UBA1: variants seen among roughly 807,000 people sequenced by gnomAD.
UBA1 encodes ubiquitin-like modifier-activating enzyme 1.
UBA1 carries 4 observed loss-of-function variants against 84.7 expected under a neutral mutation model. That is an observed-to-expected ratio of 0.05 (90% CI 0.02 to 0.11). The LOEUF (loss-of-function observed/expected upper bound fraction) is 0.11. Among genes scored for constraint, UBA1 ranks in the 10% least tolerant of loss-of-function variants. The pLI, the probability that UBA1 is intolerant of heterozygous loss-of-function variation, is 1.00. For missense variants in UBA1, 513 were observed against 902.8 expected, an observed-to-expected ratio of 0.57 and a Z score of 5.53; for synonymous variants, 364 against 362.6, an observed-to-expected ratio of 1.00 and a Z score of -0.04.
chrX:47,208,460 G>C (rs1227749257), intron 16 of UBA1: 2 of 112,110 alleles, frequency 1.8e-5, no homozygotes, highest in Non-Finnish European at 3.8e-5. Context: ...CTCTGTGTCC[G>C]GCCTCTGTCT....
In UBA1 at chrX:47,199,194, C is replaced by T; in HGVS notation, c.177-15C>T. On this transcript the variant is annotated splice_polypyrimidine_tract_variant and intron_variant, in intron 3 of 25. Coordinates refer to ENST00000335972, the MANE Select transcript of UBA1 (RefSeq NM_003334.4). Reference sequence around the variant, plus strand: ...TGGGGCAGGCCCTGACCTAGAGTACCCCCTAACCTGGCAGGTATGTGTTGG... The same window carrying T: ...TGGGGCAGGCCCTGACCTAGAGTACTCCCTAACCTGGCAGGTATGTGTTGG... 8.2e-7 allele frequency: 1 copy of T among 1,212,124 alleles called. No homozygotes were observed. Among genetic ancestry groups the T allele is most frequent in the Non-Finnish European group, 1.1e-6 (1 of 895,548 alleles).
chrX:47,194,458 G>A (rs1936128363), intron 1 of UBA1, among the ~76,000 whole-genome samples: 1 of 112,216 alleles, frequency 8.9e-6, no homozygotes, highest in Admixed American at 9.4e-5. Context: ...CTCAGTATTT[G>A]TCCTCAAGGC....
chrX:47,212,647 G>A, intron 21 of UBA1, 124 bp from the exon 22 acceptor site: 1 of 854,150 alleles, frequency 1.2e-6, no homozygotes, highest in Non-Finnish European at 1.7e-6. Context: ...CTCTGAATGA[G>A]TAGGTGTTCC....
At chrX:47,200,727 G>A (rs782113094) in intron 5 of UBA1, among the ~76,000 whole-genome samples, 167 bp from the exon 6 acceptor site, 11 of 111,738 alleles carry the variant, frequency 9.8e-5, no homozygotes, top group South Asian at 3.7e-4. Context: ...GTTCATTTTC[G>A]ACCCCCACAG....
chrX:47,210,164 C>A, intron 18 of UBA1, 41 bp downstream of exon 18: 1 of 1,197,879 alleles, frequency 8.3e-7, no homozygotes, highest in African/African-American at 1.7e-5. Flanking sequence ...GAATGTGTTT[C>A]CCTGAAATGG....
At chrX:47,192,478 T>C (rs782011796), upstream of UBA1, among the ~76,000 whole-genome samples, 42 of 111,160 alleles carry the variant, frequency 3.8e-4, no homozygotes, top group Middle Eastern at 9.4e-3. Flanking sequence ...TTAATGTAAA[T>C]ATATATTTAC....
chrX:47,213,470 TCA>T (rs1419265687), intron 23 of UBA1, among the ~76,000 whole-genome samples: 1 of 112,537 alleles, frequency 8.9e-6, no homozygotes, highest in East Asian at 2.8e-4. Context: ...ATGAATTCAC[TCA>T]AATATTTATT....
chrX:47,212,313 T>A (rs1936959796), intron 20 of UBA1, 111 bp from the exon 21 acceptor site: 2 of 556,009 alleles, frequency 3.6e-6, no homozygotes, highest in African/African-American at 4.6e-5. Context: ...GTCTCTCCTT[T>A]CCAAATCCTT....
rs1556793169 is a variant in UBA1 at position 47,210,921 on chromosome X, GTC to G, written c.2274+8_2274+9del. On this transcript the variant is annotated splice_donor_region_variant and intron_variant, in intron 19 of 25. Coordinates refer to ENST00000335972, the MANE Select transcript of UBA1 (RefSeq NM_003334.4). ...CTCACCTTTGATGTCAACAATGTAA[GTC>G]TCCTTTCTAGGGTCTTCTGGGGTCA... 2.5e-6 allele frequency: 3 copies of G among 1,209,534 alleles called. No homozygotes were observed. In the East Asian group the frequency reaches 8.9e-5, roughly 36 times the overall value.
upstream of UBA1, among the ~76,000 whole-genome samples, chrX:47,193,365 A>C (rs1389909516): frequency 3.6e-5 from 4 of 111,007 alleles, no homozygotes; most frequent in African/African-American, 1.3e-4. Context: ...CTTTTATTCC[A>C]ACCCACTGGG....
intron 14 of UBA1, among the ~76,000 whole-genome samples, chrX:47,204,367 C>T (rs1271351750): frequency 1.8e-5 from 2 of 110,040 alleles, no homozygotes; most frequent in Non-Finnish European, 3.8e-5. Context: ...CTTCTCCCAG[C>T]GGGAGTTAAA....
chrX:47,201,561 G>A lies in UBA1; in HGVS notation c.762G>A (p.Gln254=), dbSNP rs1437634484. The change falls in exon 8 of 26, where the codon CAG becomes CAA. Residue 254 remains glutamine, a synonymous_variant. Coordinates refer to ENST00000335972, the MANE Select transcript of UBA1 (RefSeq NM_003334.4). The stretch of plus-strand genomic sequence containing the variant: ...ACTTTGTCTCCTTTTCAGAAGTACA[G>A]GGCATGGTTGAACTCAACGGAAATC... ...SGDFVSFSEV[Q]GMVELNGNQP... The A allele has an allele frequency of 8.3e-7, 1 of 1,210,395 alleles. No individual in the cohort carries two copies. The highest frequency in any genetic ancestry group is 1.1e-6 in the Non-Finnish European group (1 of 895,316).
At position 47,202,184 on chromosome X, in the gene UBA1, C is replaced by G; in HGVS notation, c.840C>G (p.Thr280=). 8.3e-7 allele frequency: 1 copy of G among 1,210,260 alleles called. No homozygotes were observed. The highest frequency in any genetic ancestry group is 1.1e-6 in the Non-Finnish European group (1 of 894,675). ...CTTATACCTTTAGCATCTGTGACAC[C>G]TCCAACTTCTCCGACTACATCCGTG... is the stretch of plus-strand genomic sequence containing the variant. The part of the protein sequence containing the change: ...LGPYTFSICD[T]SNFSDYIRGG... Residue 280 remains threonine (T), a synonymous_variant, in exon 9 of 26, where the codon ACC becomes ACG. Transcript: ENST00000335972.
At chrX:47,201,147 A>C (rs1480853864) in intron 6 of UBA1, 129 bp from the exon 7 acceptor site, 5 of 800,180 alleles carry the variant, frequency 6.2e-6, no homozygotes, top group Non-Finnish European at 9.3e-6. Flanking sequence ...CATGTGGCAC[A>C]AGTACCATCT....
intron 18 of UBA1, among the ~76,000 whole-genome samples, chrX:47,210,602 G>A (rs1347968996): frequency 8.9e-6 from 1 of 111,990 alleles, no homozygotes; most frequent in Non-Finnish European, 1.9e-5. Context: ...TTTGTTAAAT[G>A]ATGGGCTGTT....
chrX:47,194,822 A>G (rs183647727), intron 1 of UBA1, among the ~76,000 whole-genome samples: 1 of 112,001 alleles, frequency 8.9e-6, no homozygotes, highest in African/African-American at 3.2e-5. Context: ...CTCGCTTTTT[A>G]TACTTCCAGT....
intron 20 of UBA1, among the ~76,000 whole-genome samples, 165 bp from the exon 21 acceptor site, chrX:47,212,256 TCTG>T (rs1330358797): frequency 9.0e-6 from 1 of 111,012 alleles, no homozygotes; most frequent in Non-Finnish European, 1.9e-5. Flanking sequence ...AGGTTTGTAT[TCTG>T]CTCTGCTCTA....
At position 47,202,492 on chromosome X, in the gene UBA1, G is replaced by T. The variant is rs1422186799; in HGVS notation, c.1044G>T (p.Arg348=). 3 of 1,199,574 alleles carry T rather than the reference G, an allele frequency of 2.5e-6. No homozygotes were observed. Among genetic ancestry groups the T allele is most frequent in the Non-Finnish European group, 3.4e-6 (3 of 889,751 alleles). Residue 348 remains arginine, a synonymous_variant, in exon 10 of 26, where the codon CGG becomes CGT. Coordinates refer to ENST00000335972, the MANE Select transcript of UBA1 (RefSeq NM_003334.4). ...GTGCTCAGCATGGCCGGCCACCTCG[G>T]CCCCGCAATGAGGTGGGTGAGTGGG... ...QFCAQHGRPP[R]PRNEEDAAEL...
chrX:47,199,124 C>G lies in UBA1; in HGVS notation c.176+18C>G. 1 of 1,212,134 alleles carries G rather than the reference C, an allele frequency of 8.2e-7. No individual in the cohort carries two copies. The highest frequency in any genetic ancestry group is 2.3e-4 in the Middle Eastern group (1 of 4,356). ...CGGCAGCTGTAAGTGGGGCCAAGGCCGGGCTGAGGGGTGTGGAATGGGACA... is the reference window on the plus strand; with the variant it reads ...CGGCAGCTGTAAGTGGGGCCAAGGCGGGGCTGAGGGGTGTGGAATGGGACA... On this transcript the variant is annotated intron_variant, in intron 3 of 25. Coordinates refer to ENST00000335972, the MANE Select transcript of UBA1 (RefSeq NM_003334.4).
Sources: gnomAD v4.1 joint callset for allele counts (sites outside exome capture counted in the v4.1 genomes callset) on GRCh38, gnomAD v4.1.1 for gene constraint, MANE v1.5 for transcripts, NCBI Gene and HGNC (gene_info 2026-07-23, HGNC 2026-07-21) for gene names.